The following PVT1 variants were observed in gnomAD, a reference collection of about 807,000 sequenced individuals.
PVT1 encodes the protein CXCR4/PVT1 fusion.
At chr8:128,068,111 G>T (rs1386917287) in intron 4 of PVT1, among the ~76,000 whole-genome samples, 1 of 151,854 alleles carries the variant, frequency 6.6e-6, no homozygotes, top group East Asian at 1.9e-4. Flanking sequence ...TGCTGTGCAT[G>T]CATACATTTT....
rs1815899426 is a variant in PVT1, at chr8:127,911,640, G to A, written n.782+20642G>A. On this transcript the variant is annotated intron_variant and non_coding_transcript_variant, in intron 3 of 10. Transcript: ENST00000651587. Reference sequence around the variant, plus strand: ...GCGTAGTCCCTGTTTTACAGTTGAGGAAACCGTGGCCCAGGGAAGGTCGGG... The same window carrying A: ...GCGTAGTCCCTGTTTTACAGTTGAGAAAACCGTGGCCCAGGGAAGGTCGGG... Among the ~76,000 whole-genome samples, 3 of 152,234 alleles carry A rather than the reference G, an allele frequency of 2.0e-5. No individual in the cohort carries two copies. The South Asian group carries it at 6.2e-4, about 32-fold the overall frequency.
chr8:127,870,065 A>G (rs1292738679), intron 2 of PVT1, among the ~76,000 whole-genome samples: 1 of 152,052 alleles, frequency 6.6e-6, no homozygotes. Flanking sequence ...CGGCTTCCCA[A>G]AGTGTTGGGG....
chr8:127,814,742 ATTG>A (rs2129667636), intron 2 of PVT1, among the ~76,000 whole-genome samples: 1 of 152,292 alleles, frequency 6.6e-6, no homozygotes, highest in South Asian at 2.1e-4. Context: ...GGCCATTGGT[ATTG>A]TTGTGTAACC....
At chr8:127,971,781 A>G (rs146062394) in intron 3 of PVT1, among the ~76,000 whole-genome samples, 2 of 152,216 alleles carry the variant, frequency 1.3e-5, no homozygotes, top group South Asian at 2.1e-4. Flanking sequence ...GGTTGTGTGC[A>G]TGGAACATTC....
chr8:127,813,917 G>A (rs1814631302), intron 2 of PVT1, among the ~76,000 whole-genome samples: 1 of 152,004 alleles, frequency 6.6e-6, no homozygotes, highest in Non-Finnish European at 1.5e-5. Context: ...TGAGTAGCTG[G>A]GATTACAGGC....
chr8:127,832,923 G>A (rs541211073), intron 2 of PVT1, among the ~76,000 whole-genome samples: 1 of 152,218 alleles, frequency 6.6e-6, no homozygotes, highest in East Asian at 1.9e-4. Flanking sequence ...TTGGGTAAAA[G>A]GTTATCCAAC....
At chr8:127,889,723 C>A (rs960924180) in intron 2 of PVT1, among the ~76,000 whole-genome samples, 5 of 152,134 alleles carry the variant, frequency 3.3e-5, no homozygotes, top group African/African-American at 9.7e-5. Flanking sequence ...AGGCTTCTTA[C>A]TAGTCTGAAG....
intron 4 of PVT1, among the ~76,000 whole-genome samples, chr8:128,058,903 C>T (rs370449917): frequency 2.6e-5 from 4 of 152,200 alleles, no homozygotes; most frequent in East Asian, 1.9e-4. Flanking sequence ...TTGCACCAGA[C>T]GCATGGCTGT....
intron 2 of PVT1, among the ~76,000 whole-genome samples, chr8:127,800,973 T>C (rs1586385181): frequency 1.3e-5 from 2 of 152,064 alleles, no homozygotes; most frequent in African/African-American, 2.4e-5. Context: ...GCAGGCTCCA[T>C]GGAGGAGCTG....
At chr8:127,973,399 G>A (rs182861948) in intron 3 of PVT1, among the ~76,000 whole-genome samples, 117 of 152,280 alleles carry the variant, frequency 7.7e-4, no homozygotes, top group African/African-American at 2.6e-3. Flanking sequence ...GTTCTGAAAT[G>A]TCCCCATTTT....
At chr8:127,988,187 G>A (rs1414590771) in intron 3 of PVT1, among the ~76,000 whole-genome samples, 2 of 152,228 alleles carry the variant, frequency 1.3e-5, no homozygotes, top group African/African-American at 4.8e-5. Context: ...GTTCTTGCCT[G>A]TGGGGCAAGG....
chr8:127,796,256 T>G lies in PVT1; in HGVS notation n.372+185T>G, dbSNP rs529808901. On this transcript the variant is annotated intron_variant and non_coding_transcript_variant, in intron 2 of 10. Coordinates refer to ENST00000651587, the Ensembl canonical transcript of PVT1. ...GTCCGTTTTTGTTTTGTTTTGTTTT[T>G]TTTCTGATTAACTTTCCTTTTCCTC... Among the ~76,000 whole-genome samples the G allele has an allele frequency of 1.8e-4, 28 of 152,108 alleles. No individual in the cohort carries two copies. In the South Asian group the frequency reaches 3.3e-3, roughly 18 times the overall value.
intron 6 of PVT1, among the ~76,000 whole-genome samples, chr8:128,098,234 AT>A (rs1308211267): frequency 6.6e-6 from 1 of 151,994 alleles, no homozygotes; most frequent in Non-Finnish European, 1.5e-5. Flanking sequence ...ACCCTCTCTC[AT>A]CCCCAGGAGG....
rs114749505 is a variant in PVT1, at chr8:128,060,281, G to A, written n.913-9879G>A. Among the ~76,000 whole-genome samples the A allele has an allele frequency of 5.6e-3, 855 of 152,184 alleles. 8 individuals are homozygous for A. Among genetic ancestry groups the A allele is most frequent in the African/African-American group, 0.02 (816 of 41,518 alleles). On this transcript the variant is annotated intron_variant and non_coding_transcript_variant, in intron 4 of 10. Coordinates refer to ENST00000651587, the Ensembl canonical transcript of PVT1. ...AAAGAAAGAATTTAGAACCAGGTTC[G>A]TTGGCCTCAAAGTTCTTGGTCTCGC... is the stretch of plus-strand genomic sequence containing the variant.
At chr8:127,936,440 G>T (rs185999630) in intron 3 of PVT1, among the ~76,000 whole-genome samples, 138 of 152,226 alleles carry the variant, frequency 9.1e-4, no homozygotes, top group African/African-American at 3.2e-3. Context: ...TGTGCCAGCT[G>T]CTCTCATATT....
At chr8:127,921,911 A>G (rs1586437171) in intron 3 of PVT1, among the ~76,000 whole-genome samples, 1 of 104,652 alleles carries the variant, frequency 9.6e-6, no homozygotes. Flanking sequence ...TCTAGGCTGG[A>G]GTGCAGTGGC....
chr8:128,079,116 C>G (rs972740017), intron 5 of PVT1, among the ~76,000 whole-genome samples: 1 of 151,160 alleles, frequency 6.6e-6, no homozygotes, highest in Non-Finnish European at 1.5e-5. Flanking sequence ...TTTTCAACTA[C>G]CATTTTGAAA....
chr8:127,889,280 C>T (rs1394355484), intron 2 of PVT1, among the ~76,000 whole-genome samples: 2 of 151,914 alleles, frequency 1.3e-5, no homozygotes, highest in East Asian at 1.9e-4. Flanking sequence ...CAGGCATGCA[C>T]CACCACACCC....
At chr8:128,038,892 T>C (rs1813495469) in intron 4 of PVT1, among the ~76,000 whole-genome samples, 1 of 152,100 alleles carries the variant, frequency 6.6e-6, no homozygotes, top group Non-Finnish European at 1.5e-5. Context: ...GTAGGAAACA[T>C]GGTAATTCCT....
Sources: allele counts gnomAD v4.1 joint callset (sites outside exome capture counted in the v4.1 genomes callset), GRCh38; gene constraint gnomAD v4.1.1; transcripts MANE v1.5; gene names NCBI Gene and HGNC (gene_info 2026-07-23, HGNC 2026-07-21).